AGBL1: variants seen among roughly 807,000 people sequenced by gnomAD.
The protein encoded by AGBL1 is cytosolic carboxypeptidase 4.
A neutral mutation model predicts 118.9 loss-of-function variants in AGBL1; 130 were observed. The observed-to-expected ratio is 1.09, with a 90% CI of 0.95 to 1.26. The LOEUF (loss-of-function observed/expected upper bound fraction) is 1.26. AGBL1 is among the 50% of genes most tolerant of loss of function. AGBL1 has a pLI of 0.00. For missense variants in AGBL1, 1,584 were observed against 1,298.1 expected (o/e 1.22, Z -3.38); for synonymous variants, 555 against 478.9 (o/e 1.16, Z -2.08).
chr15:86,173,557 AGTAG>A, intron 5 of AGBL1, among the ~76,000 whole-genome samples: 1 of 152,214 alleles, frequency 6.6e-6, no homozygotes, highest in East Asian at 1.9e-4. Context: ...GTTTTCTTCT[AGTAG>A]TTTCATAGTT....
At chr15:86,381,019 C>T (rs944892768) in intron 17 of AGBL1, among the ~76,000 whole-genome samples, 23 of 152,104 alleles carry the variant, frequency 1.5e-4, no homozygotes, top group African/African-American at 5.6e-4. Context: ...AACACATATA[C>T]TCAGGGGCCT....
intron 18 of AGBL1, among the ~76,000 whole-genome samples, chr15:86,458,235 A>G (rs1250139797): frequency 6.6e-6 from 1 of 152,108 alleles, no homozygotes; most frequent in African/African-American, 2.4e-5. Context: ...ATAAAAATCA[A>G]AATTTTAAGA....
chr15:86,309,100 A>G (rs76196358), intron 17 of AGBL1, among the ~76,000 whole-genome samples: 2,414 of 152,140 alleles, frequency 0.016, 68 homozygotes, highest in African/African-American at 0.054. Context: ...TTTATTTTTC[A>G]ATGTTTTATA....
intron 7 of AGBL1, among the ~76,000 whole-genome samples, chr15:86,254,426 T>G (rs2078863414): frequency 6.6e-6 from 1 of 152,250 alleles, no homozygotes; most frequent in African/African-American, 2.4e-5. Context: ...GTAGTCTGGC[T>G]CCAGGACCTG....
At chr15:86,464,477 T>C (rs1375600136) in intron 18 of AGBL1, among the ~76,000 whole-genome samples, 1 of 152,222 alleles carries the variant, frequency 6.6e-6, no homozygotes, top group Non-Finnish European at 1.5e-5. Context: ...CAATACTATG[T>C]TGAATAGGAG....
chr15:86,269,232 G>T (rs762100247), intron 13 of AGBL1, among the ~76,000 whole-genome samples: 2 of 152,122 alleles, frequency 1.3e-5, no homozygotes, highest in Non-Finnish European at 2.9e-5. Context: ...AACAACCCCT[G>T]CATTGCTAGC....
At chr15:86,493,133 G>A (rs1226922308) in intron 18 of AGBL1, among the ~76,000 whole-genome samples, 1 of 152,148 alleles carries the variant, frequency 6.6e-6, no homozygotes, top group Non-Finnish European at 1.5e-5. Context: ...GGGGGAGGTT[G>A]CAGTGAGCTG....
intron 18 of AGBL1, among the ~76,000 whole-genome samples, chr15:86,404,420 G>T (rs776116798): frequency 1.3e-5 from 2 of 152,196 alleles, no homozygotes; most frequent in East Asian, 1.9e-4. Flanking sequence ...CACTCAACTC[G>T]CCAGGATCAC....
At chr15:86,142,202 T>C (rs927443777) in intron 2 of AGBL1, 135 bp downstream of exon 2, 1 of 810,912 alleles carries the variant, frequency 1.2e-6, no homozygotes, top group Non-Finnish European at 1.9e-6. Context: ...CACTAGCCCA[T>C]CTTTTTTCTC....
intron 5 of AGBL1, among the ~76,000 whole-genome samples, chr15:86,179,863 A>G (rs536127307): frequency 5.5e-4 from 84 of 152,300 alleles, no homozygotes; most frequent in African/African-American, 1.9e-3. Context: ...AGGATGCAAG[A>G]TCAACATACA....
At chr15:86,862,427 A>G (rs891027477) in intron 22 of AGBL1, among the ~76,000 whole-genome samples, 1 of 152,168 alleles carries the variant, frequency 6.6e-6, no homozygotes, top group Non-Finnish European at 1.5e-5. Context: ...TTCAAAGTTA[A>G]TGTTCTTTTC....
In AGBL1 at chr15:86,473,323, T is replaced by A. The variant is rs1163092968; in HGVS notation, c.2556-49487T>A. On this transcript the variant is annotated intron_variant, in intron 18 of 22. Coordinates refer to ENST00000614907, the MANE Select transcript of AGBL1 (RefSeq NM_001386094.1). ...CCATTCTAAGTATTCAAGGAGATAA[T>A]GCAGGTGAAAAATTATTGGTCAGTT... Among the ~76,000 whole-genome samples, 3 of 152,290 alleles carry A rather than the reference T, an allele frequency of 2.0e-5. No homozygotes were observed. The East Asian group carries it at 5.8e-4, about 29-fold the overall frequency.
At chr15:86,485,146 T>C (rs938710035) in intron 18 of AGBL1, among the ~76,000 whole-genome samples, 3 of 152,160 alleles carry the variant, frequency 2.0e-5, no homozygotes, top group African/African-American at 7.2e-5. Flanking sequence ...AAGCCGTCGC[T>C]ACTTCAAGTG....
At chr15:86,410,811 TA>T in intron 18 of AGBL1, among the ~76,000 whole-genome samples, 2 of 80,734 alleles carry the variant, frequency 2.5e-5, no homozygotes, top group East Asian at 6.4e-4. Context: ...AATGTAGATA[TA>T]TATATATATA....
At chr15:86,285,782 A>C (rs973364858) in intron 16 of AGBL1, among the ~76,000 whole-genome samples, 4 of 152,210 alleles carry the variant, frequency 2.6e-5, no homozygotes, top group African/African-American at 9.6e-5. Context: ...AAGATAACCC[A>C]TGAGAGAAGA....
chr15:86,956,069 T>C lies in AGBL1; in HGVS notation c.3222-31918T>C, dbSNP rs1430045662. Among the ~76,000 whole-genome samples, 6 of 151,986 alleles carry C rather than the reference T, an allele frequency of 3.9e-5. No homozygotes were observed. In the East Asian group the frequency reaches 7.7e-4, roughly 20 times the overall value. ...AGTTACAAAATTATCCCAAGCAACA[T>C]TGTTGGTAGTAGCAAGAAATTATAG... On this transcript the variant is annotated intron_variant, in intron 23 of 24. Transcript: ENST00000441037.
intron 5 of AGBL1, among the ~76,000 whole-genome samples, chr15:86,197,268 A>G (rs2077828771): frequency 6.6e-6 from 1 of 152,188 alleles, no homozygotes; most frequent in Non-Finnish European, 1.5e-5. Context: ...ATTAAAGGCA[A>G]TTCTGGTGAG....
At chr15:86,546,676 C>T (rs1458758302) in intron 20 of AGBL1, among the ~76,000 whole-genome samples, 1 of 152,100 alleles carries the variant, frequency 6.6e-6, no homozygotes, top group African/African-American at 2.4e-5. Context: ...ATCAGTAATC[C>T]ACTGACCCTA....
intron 22 of AGBL1, among the ~76,000 whole-genome samples, chr15:86,828,629 C>G (rs1398458051): frequency 6.6e-6 from 1 of 152,098 alleles, no homozygotes; most frequent in African/African-American, 2.4e-5. Context: ...GAGTTTTCCT[C>G]TAAAACCCCA....
Sources: gnomAD v4.1 joint callset for allele counts (sites outside exome capture counted in the v4.1 genomes callset) on GRCh38, gnomAD v4.1.1 for gene constraint, MANE v1.5 for transcripts, NCBI Gene and HGNC (gene_info 2026-07-23, HGNC 2026-07-21) for gene names.